MND1: variants seen among roughly 807,000 people sequenced by gnomAD.
The protein encoded by MND1 is meiotic nuclear divisions 1.
Under a neutral mutation model 35.1 loss-of-function variants are expected in MND1, and 28 were observed. The observed-to-expected ratio is 0.80, with a 90% confidence interval of 0.59 to 1.09. The LOEUF (loss-of-function observed/expected upper bound fraction) is 1.09, where lower values mean the gene tolerates loss of function less well. Among genes scored for constraint, MND1 ranks in the 50% least tolerant of loss-of-function variants. MND1 has a pLI of 0.00. For synonymous variants in MND1, 69 were observed against 70.5 expected (o/e 0.98, Z 0.11); for missense variants, 213 against 239.6 (o/e 0.89, Z 0.73).
At chr4:153,355,986 T>C (rs1773329015) in intron 3 of MND1, among the ~76,000 whole-genome samples, 1 of 152,156 alleles carries the variant, frequency 6.6e-6, no homozygotes, top group African/African-American at 2.4e-5. Flanking sequence ...TAGTATCCCA[T>C]TGCAATAAAA....
At position 153,387,519 on chromosome 4, in the gene MND1, A is replaced by G. The variant is rs561637073; in HGVS notation, c.277-6743A>G. Among the ~76,000 whole-genome samples, 3 of 152,288 alleles carry G rather than the reference A, an allele frequency of 2.0e-5. No homozygotes were observed. In the East Asian group the frequency reaches 5.8e-4, roughly 29 times the overall value. The stretch of plus-strand genomic sequence containing the variant: ...TCATACCTGTAATCCCAACACTTGG[A>G]AAGCCAAGTCAGGAAGATTGCTTGA... On this transcript the variant is annotated intron_variant, in intron 4 of 7. Coordinates refer to ENST00000240488, the MANE Select transcript of MND1 (RefSeq NM_032117.4).
chr4:153,347,353 A>G (rs938554972), intron 1 of MND1, among the ~76,000 whole-genome samples: 1 of 152,178 alleles, frequency 6.6e-6, no homozygotes, highest in African/African-American at 2.4e-5. Flanking sequence ...TTGTCTCTTC[A>G]AGCCAGGCAA....
chr4:153,393,426 A>C (rs1177577579), intron 4 of MND1, among the ~76,000 whole-genome samples: 2 of 145,206 alleles, frequency 1.4e-5, no homozygotes, highest in Non-Finnish European at 3.0e-5. Flanking sequence ...GCTGGAGTGC[A>C]ATGGGGTTAT....
intron 4 of MND1, among the ~76,000 whole-genome samples, chr4:153,392,395 A>G (rs752063043): frequency 2.0e-5 from 3 of 152,128 alleles, no homozygotes; most frequent in South Asian, 2.1e-4. Flanking sequence ...GTGAGCCACC[A>G]TGCCCGGCCG....
chr4:153,381,100 C>T (rs1324290625), intron 4 of MND1, among the ~76,000 whole-genome samples: 1 of 152,048 alleles, frequency 6.6e-6, no homozygotes, highest in Non-Finnish European at 1.5e-5. Flanking sequence ...AGGGTTTCAA[C>T]GTGTTAGCCA....
At chr4:153,393,924 C>CTTTTTT (rs36028750) in intron 4 of MND1, among the ~76,000 whole-genome samples, 978 of 56,504 alleles carry the variant, frequency 0.017, 140 homozygotes, top group Middle Eastern at 0.056. Context: ...ACTTTGTTTT[C>CTTTTTT]TTTTTTTTTT....
At chr4:153,348,607 G>A (rs1448492488) in intron 1 of MND1, among the ~76,000 whole-genome samples, 2 of 152,156 alleles carry the variant, frequency 1.3e-5, no homozygotes, top group African/African-American at 4.8e-5. Flanking sequence ...TACTCATCAA[G>A]AAACACCTGA....
chr4:153,388,417 T>C (rs1728926718), intron 4 of MND1, among the ~76,000 whole-genome samples: 1 of 152,096 alleles, frequency 6.6e-6, no homozygotes, highest in African/African-American at 2.4e-5. Flanking sequence ...AACCCTGCAT[T>C]TCAAGGCTGT....
At chr4:153,370,111 G>A (rs189923616) in intron 4 of MND1, among the ~76,000 whole-genome samples, 2 of 151,972 alleles carry the variant, frequency 1.3e-5, no homozygotes, top group Non-Finnish European at 2.9e-5. Flanking sequence ...GTGAAACCCT[G>A]TCTCTACTTA....
At chr4:153,354,795 T>A (rs1450701968) in intron 2 of MND1, among the ~76,000 whole-genome samples, 1 of 152,212 alleles carries the variant, frequency 6.6e-6, no homozygotes, top group Non-Finnish European at 1.5e-5. Flanking sequence ...ACACCATGAC[T>A]GGCCTATAAC....
intron 7 of MND1, among the ~76,000 whole-genome samples, chr4:153,409,851 A>G (rs539066442): frequency 6.6e-6 from 1 of 152,270 alleles, no homozygotes; most frequent in South Asian, 2.1e-4. Flanking sequence ...CAGAGGGTGA[A>G]ACAGCAAACT....
rs559012275 is a variant in MND1, at chr4:153,388,043, A to G, written c.277-6219A>G. 2.0e-5 allele frequency among the ~76,000 whole-genome samples: 3 copies of G among 152,296 alleles called. No individual in the cohort carries two copies. The East Asian group carries it at 5.8e-4, about 29-fold the overall frequency. On this transcript the variant is annotated intron_variant, in intron 4 of 7. Coordinates refer to ENST00000240488, the MANE Select transcript of MND1 (RefSeq NM_032117.4). ...AATTCCAATGCAGCCAGCTTGAATC[A>G]ATTATTCTGTGTCTTATGAATAGTC...
intron 4 of MND1, among the ~76,000 whole-genome samples, chr4:153,376,173 T>C (rs1173668096): frequency 1.3e-5 from 2 of 152,216 alleles, no homozygotes; most frequent in African/African-American, 4.8e-5. Flanking sequence ...ATAGAAATTA[T>C]TAAAAGTCAA....
chr4:153,352,280 T>C (rs1320029092), intron 2 of MND1, among the ~76,000 whole-genome samples: 2 of 152,242 alleles, frequency 1.3e-5, no homozygotes, highest in South Asian at 2.1e-4. Flanking sequence ...CATGATCATG[T>C]ATGGATGGAT....
At chr4:153,380,800 A>T (rs1728656181) in intron 4 of MND1, among the ~76,000 whole-genome samples, 1 of 152,168 alleles carries the variant, frequency 6.6e-6, no homozygotes, top group African/African-American at 2.4e-5. Flanking sequence ...AGGTAAATAA[A>T]CTAAGATTTT....
chr4:153,387,350 C>T (rs572248136), intron 4 of MND1, among the ~76,000 whole-genome samples: 1 of 152,094 alleles, frequency 6.6e-6, no homozygotes, highest in South Asian at 2.1e-4. Flanking sequence ...ATTGCTGAGA[C>T]AGGTATATTG....
intron 2 of MND1, among the ~76,000 whole-genome samples, chr4:153,354,799 C>T (rs1773300546): frequency 1.3e-5 from 2 of 152,116 alleles, no homozygotes; most frequent in African/African-American, 4.8e-5. Flanking sequence ...CATGACTGGC[C>T]TATAACTAGT....
intron 4 of MND1, among the ~76,000 whole-genome samples, chr4:153,363,793 C>T (rs1773557589): frequency 6.6e-6 from 1 of 152,156 alleles, no homozygotes; most frequent in South Asian, 2.1e-4. Flanking sequence ...ATGATAAATG[C>T]CTTTCTGAAG....
chr4:153,358,908 C>T (rs951573722), intron 4 of MND1, among the ~76,000 whole-genome samples: 7 of 152,120 alleles, frequency 4.6e-5, no homozygotes, highest in African/African-American at 1.7e-4. Context: ...TTTAGACTTA[C>T]AGAAAAATAT....
Sources: gnomAD v4.1 joint callset for allele counts (sites outside exome capture counted in the v4.1 genomes callset) on GRCh38, gnomAD v4.1.1 for gene constraint, MANE v1.5 for transcripts, NCBI Gene and HGNC (gene_info 2026-07-23, HGNC 2026-07-21) for gene names.